Variants in SH3GL2 observed in about 807,000 individuals in gnomAD.
The protein encoded by SH3GL2 is SH3 domain containing GRB2 like 2, endophilin A1, also known as endophilin-A1.
SH3GL2 carries 24 observed loss-of-function variants against 46.0 expected under a neutral mutation model. The observed-to-expected ratio is 0.52, with a 90% CI of 0.38 to 0.73. SH3GL2 has a LOEUF of 0.73. SH3GL2 is among the 30% of genes least tolerant of loss of function. The probability of loss-of-function intolerance (pLI) is 0.00; values close to 1 mark genes in which losing one functional copy is unlikely to be tolerated. For missense variants in SH3GL2, 413 were observed against 424.2 expected, an observed-to-expected ratio of 0.97 and a Z score of 0.23; for synonymous variants, 196 against 147.1, an observed-to-expected ratio of 1.33 and a Z score of -2.40.
At chr9:17,671,196 C>T (rs1439127093) in intron 1 of SH3GL2, among the ~76,000 whole-genome samples, 1 of 152,034 alleles carries the variant, frequency 6.6e-6, no homozygotes, top group Non-Finnish European at 1.5e-5. Context: ...AAAAGTTCAG[C>T]TTTTAAGTCA....
chr9:17,617,602 G>C (rs1186075652), intron 1 of SH3GL2, among the ~76,000 whole-genome samples: 2 of 152,174 alleles, frequency 1.3e-5, no homozygotes, highest in African/African-American at 4.8e-5. Context: ...ATTTGAAGAT[G>C]CCTGTTAACA....
intron 1 of SH3GL2, among the ~76,000 whole-genome samples, chr9:17,733,199 G>A (rs1049390627): frequency 2.6e-5 from 4 of 152,016 alleles, no homozygotes; most frequent in African/African-American, 7.2e-5. Context: ...AAAGCAAAAC[G>A]AAGTTAGACT....
chr9:17,588,584 C>G (rs1211157293), intron 1 of SH3GL2, among the ~76,000 whole-genome samples: 1 of 152,126 alleles, frequency 6.6e-6, no homozygotes, highest in Non-Finnish European at 1.5e-5. Context: ...GAAATCAGCT[C>G]TTTGGTGACC....
Position 17,645,476 on chromosome 9 carries a change from T to C in SH3GL2, c.45+66189T>C, listed in dbSNP as rs933987022. Among the ~76,000 whole-genome samples the C allele has an allele frequency of 4.7e-4, 71 of 152,198 alleles. 2 individuals are homozygous for C. Among genetic ancestry groups the C allele is most frequent in the Admixed American group, 4.4e-3 (67 of 15,274 alleles). ...AGTTTGTTCATAATGTTGACGTTCT[T>C]TACAATTTTGTTTGTTTTTGCAGTG... On this transcript the variant is annotated intron_variant, in intron 1 of 8. Transcript: ENST00000380607.
intron 1 of SH3GL2, among the ~76,000 whole-genome samples, chr9:17,613,510 TGGTAATTCTAA>T (rs1818914853): frequency 6.6e-6 from 1 of 152,220 alleles, no homozygotes; most frequent in South Asian, 2.1e-4. Flanking sequence ...TCTGAATGTT[TGGTAATTCTAA>T]GCACCCTAGA....
intron 1 of SH3GL2, among the ~76,000 whole-genome samples, chr9:17,648,728 G>T (rs1819886030): frequency 6.6e-6 from 1 of 152,296 alleles, no homozygotes; most frequent in Admixed American, 6.5e-5. Context: ...TGTGTTGGCA[G>T]ATCTCACATA....
At chr9:17,679,761 G>C (rs954519341) in intron 1 of SH3GL2, among the ~76,000 whole-genome samples, 1 of 152,136 alleles carries the variant, frequency 6.6e-6, no homozygotes, top group African/African-American at 2.4e-5. Context: ...TATTGGCTGT[G>C]GGTTTGTGAT....
At chr9:17,777,202 A>G (rs540155800) in intron 3 of SH3GL2, among the ~76,000 whole-genome samples, 30 of 152,340 alleles carry the variant, frequency 2.0e-4, no homozygotes, top group African/African-American at 7.0e-4. Context: ...CATGCAGTCA[A>G]TAAACTGTAT....
intron 2 of SH3GL2, among the ~76,000 whole-genome samples, chr9:17,756,860 C>G (rs1009785602): frequency 6.6e-6 from 1 of 152,102 alleles, no homozygotes; most frequent in Non-Finnish European, 1.5e-5. Context: ...ATGGCTGGGT[C>G]AAATGGTATT....
At chr9:17,684,820 A>G (rs1570782) in intron 1 of SH3GL2, among the ~76,000 whole-genome samples, 10 of 152,104 alleles carry the variant, frequency 6.6e-5, no homozygotes, top group South Asian at 2.1e-4. Context: ...CCAGATTCCT[A>G]TGTCCTTCAA....
chr9:17,682,250 CACAT>C (rs1370674244), intron 1 of SH3GL2, among the ~76,000 whole-genome samples: 1 of 152,104 alleles, frequency 6.6e-6, no homozygotes, highest in Non-Finnish European at 1.5e-5. Context: ...ACCCTAAAGA[CACAT>C]GCATGCATAT....
chr9:17,586,773 C>A (rs1278715611), intron 1 of SH3GL2, among the ~76,000 whole-genome samples: 1 of 152,204 alleles, frequency 6.6e-6, no homozygotes, highest in Non-Finnish European at 1.5e-5. Flanking sequence ...ATTCAATTAC[C>A]TCCCACCAGG....
At chr9:17,706,189 C>T (rs2118238121) in intron 1 of SH3GL2, among the ~76,000 whole-genome samples, 2 of 152,186 alleles carry the variant, frequency 1.3e-5, no homozygotes, top group Middle Eastern at 6.8e-3. Context: ...GGGACATGCC[C>T]AAGGCCACTA....
rs147936386 is a variant in SH3GL2 at position 17,647,954 on chromosome 9, A to G, written c.45+68667A>G. 2.9e-3 allele frequency among the ~76,000 whole-genome samples: 440 copies of G among 150,394 alleles called. 21 individuals are homozygous for G. The East Asian group carries it at 0.079, about 27-fold the overall frequency. On this transcript the variant is annotated intron_variant, in intron 1 of 8. Coordinates refer to ENST00000380607, the MANE Select transcript of SH3GL2 (RefSeq NM_003026.5). ...CCACCTCAGCCTACTCAACATGAAG[A>G]TGAAGATGAAGACCTTTGTGATGAT...
chr9:17,728,933 T>C (rs1822096797), intron 1 of SH3GL2, among the ~76,000 whole-genome samples: 1 of 152,144 alleles, frequency 6.6e-6, no homozygotes, highest in Non-Finnish European at 1.5e-5. Flanking sequence ...TGGCAATAAA[T>C]ATACATGTGC....
intron 2 of SH3GL2, among the ~76,000 whole-genome samples, chr9:17,756,894 T>A (rs1437660583): frequency 6.6e-6 from 1 of 152,188 alleles, no homozygotes; most frequent in East Asian, 1.9e-4. Context: ...CCCTGAGGAA[T>A]TGCCACACTG....
At chr9:17,619,541 G>A (rs570930705) in intron 1 of SH3GL2, among the ~76,000 whole-genome samples, 46 of 152,232 alleles carry the variant, frequency 3.0e-4, no homozygotes, top group African/African-American at 1.1e-3. Flanking sequence ...AGCTGGGCTT[G>A]GTGGCATGCA....
At position 17,714,684 on chromosome 9, in the gene SH3GL2, G is replaced by A. The variant is rs559153086; in HGVS notation, c.46-32382G>A. 2.0e-4 allele frequency among the ~76,000 whole-genome samples: 30 copies of A among 151,610 alleles called. No homozygotes were observed. The South Asian group carries it at 2.1e-3, about 11-fold the overall frequency. ...TCTTGGCCTTTATGTTACTGTTGTC[G>A]TATATATATTTTACTTTTAGCTATA... On this transcript the variant is annotated intron_variant, in intron 1 of 8. Transcript: ENST00000380607.
At chr9:17,748,187 C>T (rs1442667275) in intron 2 of SH3GL2, among the ~76,000 whole-genome samples, 2 of 152,122 alleles carry the variant, frequency 1.3e-5, no homozygotes, top group Non-Finnish European at 2.9e-5. Context: ...CTTTAACGCT[C>T]TTCAGAACAG....
Sources: gnomAD v4.1 joint callset for allele counts (sites outside exome capture counted in the v4.1 genomes callset) on GRCh38, gnomAD v4.1.1 for gene constraint, MANE v1.5 for transcripts, NCBI Gene and HGNC (gene_info 2026-07-23, HGNC 2026-07-21) for gene names.